ARMC2: variants seen among roughly 807,000 people sequenced by gnomAD.
The protein encoded by ARMC2 is armadillo repeat containing 2, also known as armadillo repeat-containing protein 2.
In ARMC2, 67 loss-of-function variants were observed where a neutral mutation model predicts 90.3. The observed-to-expected ratio is 0.74, with a 90% confidence interval of 0.61 to 0.91. ARMC2 has a LOEUF of 0.91. Ranked by LOEUF, ARMC2 falls within the 40% of genes least tolerant of loss-of-function variation. ARMC2 has a pLI of 0.00. For synonymous variants in ARMC2, 393 were observed against 393.0 expected (o/e 1.00, Z 0.00); for missense variants, 920 against 1,030.9 (o/e 0.89, Z 1.47).
At chr6:108,996,792 G>A in the ARMC2 span, among the ~76,000 whole-genome samples, 116 of 152,228 alleles carry the variant, frequency 7.6e-4, 1 homozygote, top group Non-Finnish European at 1.2e-3. Context: ...CAACCAATGT[G>A]TTCTTCAGTA....
chr6:108,959,292 A>G (rs776548300), intron 13 of ARMC2, among the ~76,000 whole-genome samples: 35 of 152,224 alleles, frequency 2.3e-4, no homozygotes, highest in Non-Finnish European at 3.8e-4. Flanking sequence ...TGAACAGGAA[A>G]AGATGGCCAA....
the ARMC2 span, among the ~76,000 whole-genome samples, chr6:108,991,182 T>C: frequency 1.3e-5 from 2 of 152,118 alleles, no homozygotes; most frequent in Admixed American, 1.3e-4. Context: ...GGGAGTCCCC[T>C]CTCCTTTTCC....
intron 11 of ARMC2, among the ~76,000 whole-genome samples, chr6:108,931,436 C>A (rs1254152285): frequency 6.6e-6 from 1 of 151,878 alleles, no homozygotes. Context: ...TGGGTATATA[C>A]CCAGTAATAG....
At chr6:109,050,375 T>C in the ARMC2 span, among the ~76,000 whole-genome samples, 1 of 147,152 alleles carries the variant, frequency 6.8e-6, no homozygotes, top group Non-Finnish European at 1.5e-5. Context: ...CAGAATGCTA[T>C]TGTTTAAATT....
At chr6:108,988,776 G>A in the ARMC2 span, 75 of 1,041,182 alleles carry the variant, frequency 7.2e-5, no homozygotes, top group Middle Eastern at 9.5e-4. Flanking sequence ...AGTTAATACT[G>A]TATTTTTTCT....
chr6:108,854,825 T>C (rs1223954463), intron 2 of ARMC2, among the ~76,000 whole-genome samples: 1 of 152,232 alleles, frequency 6.6e-6, no homozygotes, highest in African/African-American at 2.4e-5. Context: ...TCTGATGACA[T>C]GTAACCACTA....
At chr6:109,042,310 A>G in the ARMC2 span, among the ~76,000 whole-genome samples, 4 of 152,026 alleles carry the variant, frequency 2.6e-5, no homozygotes, top group Non-Finnish European at 4.4e-5. Context: ...AAAGAAGAGC[A>G]GTATAAACTG....
At chr6:108,927,306 G>C (rs1775182425) in intron 10 of ARMC2, among the ~76,000 whole-genome samples, 1 of 152,190 alleles carries the variant, frequency 6.6e-6, no homozygotes, top group South Asian at 2.1e-4. Flanking sequence ...ACAACTGCTA[G>C]GGAAGTATCA....
the ARMC2 span, among the ~76,000 whole-genome samples, chr6:109,002,848 A>G: frequency 2.6e-5 from 4 of 152,244 alleles, no homozygotes; most frequent in African/African-American, 9.6e-5. Flanking sequence ...CTAAATTCAC[A>G]AGAGACAGCA....
At chr6:108,917,477 CAA>C (rs1368363778) in intron 10 of ARMC2, among the ~76,000 whole-genome samples, 1 of 151,988 alleles carries the variant, frequency 6.6e-6, no homozygotes, top group Non-Finnish European at 1.5e-5. Flanking sequence ...GTGTATGGAA[CAA>C]AGAGAGCTGA....
At chr6:108,876,835 A>G (rs1394745211) in intron 5 of ARMC2, among the ~76,000 whole-genome samples, 2 of 152,228 alleles carry the variant, frequency 1.3e-5, no homozygotes, top group African/African-American at 4.8e-5. Flanking sequence ...GATTTCAGTT[A>G]TCTGTGAGAT....
At position 108,876,391 on chromosome 6, in the gene ARMC2, G is replaced by T. The variant is rs1054995166; in HGVS notation, c.671+41G>T. On this transcript the variant is annotated intron_variant, in intron 5 of 17. Transcript: ENST00000392644. ...ATTTAATTTTCTGGTCAGGATAATG[G>T]TATCATTTACCAGTTTCTTCTCTAT... The T allele has an allele frequency of 1.9e-6, 3 of 1,557,340 alleles. No homozygotes were observed. In the African/African-American group the frequency reaches 4.1e-5, roughly 22 times the overall value.
intron 12 of ARMC2, among the ~76,000 whole-genome samples, chr6:108,943,653 TACA>T (rs1402317039): frequency 6.6e-6 from 1 of 151,806 alleles, no homozygotes; most frequent in Admixed American, 6.6e-5. Flanking sequence ...ACTCTGTCTC[TACA>T]ACAACAATTA....
At chr6:108,888,567 C>T (rs1348404554) in intron 5 of ARMC2, among the ~76,000 whole-genome samples, 3 of 152,226 alleles carry the variant, frequency 2.0e-5, no homozygotes, top group Non-Finnish European at 4.4e-5. Context: ...GCAGAATTTA[C>T]AGAGAAACAG....
chr6:108,899,285 T>G lies in ARMC2; in HGVS notation c.749-409T>G, dbSNP rs529928991. ...TTATTTCTATAGAAAATGTCCATTT[T>G]AGGTCTCCCTTTTAGAAAATTTTTC... On this transcript the variant is annotated intron_variant, in intron 6 of 17. Transcript: ENST00000392644. 2.0e-5 allele frequency among the ~76,000 whole-genome samples: 3 copies of G among 152,372 alleles called. No homozygotes were observed. In the South Asian group the frequency reaches 6.2e-4, roughly 32 times the overall value.
intron 10 of ARMC2, among the ~76,000 whole-genome samples, chr6:108,924,659 G>C (rs1473309177): frequency 6.6e-6 from 1 of 152,168 alleles, no homozygotes; most frequent in African/African-American, 2.4e-5. Context: ...TGGTGCCGAG[G>C]CAAAGGAGAT....
In ARMC2 at chr6:108,895,393, A is replaced by G. The variant is rs1388356733; in HGVS notation, c.748+850A>G. On this transcript the variant is annotated intron_variant, in intron 6 of 17. Transcript: ENST00000392644. The stretch of plus-strand genomic sequence containing the variant: ...CAACTACTTGGGAGGCTGAGGCAGC[A>G]GAATCACTTGAACCCAGGAGATGGA... Among the ~76,000 whole-genome samples the G allele has an allele frequency of 4.0e-5, 6 of 151,586 alleles. No individual in the cohort carries two copies. In the East Asian group the frequency reaches 1.2e-3, roughly 30 times the overall value.
the ARMC2 span, among the ~76,000 whole-genome samples, chr6:109,033,385 T>C: frequency 1.3e-5 from 2 of 152,220 alleles, no homozygotes; most frequent in African/African-American, 4.8e-5. Context: ...TCTAACTTTA[T>C]ACCCAAACAA....
At chr6:108,939,696 A>C (rs188182817) in intron 12 of ARMC2, among the ~76,000 whole-genome samples, 1 of 152,342 alleles carries the variant, frequency 6.6e-6, no homozygotes, top group Non-Finnish European at 1.5e-5. Context: ...AACAGACTAA[A>C]ATACCTATTA....
Sources: allele counts gnomAD v4.1 joint callset (sites outside exome capture counted in the v4.1 genomes callset), GRCh38; gene constraint gnomAD v4.1.1; transcripts MANE v1.5; gene names NCBI Gene and HGNC (gene_info 2026-07-23, HGNC 2026-07-21).